The following LARP4B variants were observed in gnomAD, a reference collection of about 807,000 sequenced individuals.
LARP4B encodes the protein la-related protein 4B.
A neutral mutation model predicts 89.8 loss-of-function variants in LARP4B; 12 were observed. That is an observed-to-expected ratio of 0.13 (90% confidence interval 0.09 to 0.22). LARP4B has a LOEUF of 0.22. Among genes scored for constraint, LARP4B ranks in the 10% least tolerant of loss-of-function variants. LARP4B has a pLI of 1.00. For synonymous variants in LARP4B, 367 were observed against 363.3 expected (o/e 1.01, Z -0.12); for missense variants, 757 against 947.7 (o/e 0.80, Z 2.64).
the LARP4B span, chr10:971,227 C>T: frequency 2.0e-5 from 3 of 152,104 alleles, no homozygotes; most frequent in African/African-American, 4.8e-5. Flanking sequence ...CTTTTCCTTC[C>T]TTTTTGTGAC....
At chr10:898,097 C>A (rs1171113677) in intron 1 of LARP4B, among the ~76,000 whole-genome samples, 1 of 151,498 alleles carries the variant, frequency 6.6e-6, no homozygotes, top group Non-Finnish European at 1.5e-5. Flanking sequence ...CCACATCATT[C>A]GTCATGAGGG....
At chr10:939,258 G>A in the LARP4B span, among the ~76,000 whole-genome samples, 2 of 152,234 alleles carry the variant, frequency 1.3e-5, no homozygotes, top group African/African-American at 2.4e-5. Flanking sequence ...CAGGCTTGGC[G>A]GGAGGGGATG....
intron 1 of LARP4B, among the ~76,000 whole-genome samples, chr10:918,956 C>CT (rs1836903790): frequency 2.0e-5 from 3 of 152,040 alleles, no homozygotes; most frequent in Admixed American, 2.0e-4. Context: ...TGGCGGGCGC[C>CT]TGTAGTCCCA....
At chr10:833,235 T>C (rs954475896) in intron 8 of LARP4B, among the ~76,000 whole-genome samples, 2 of 100,038 alleles carry the variant, frequency 2.0e-5, no homozygotes, top group Non-Finnish European at 1.8e-5. Context: ...ACACTAACGA[T>C]AGCTGATGAG....
chr10:975,180 G>A, the LARP4B span, among the ~76,000 whole-genome samples: 24 of 152,236 alleles, frequency 1.6e-4, no homozygotes, highest in African/African-American at 5.8e-4. Context: ...TAGGTTCTCA[G>A]CAGTCAGAAA....
In LARP4B at chr10:902,155, G is replaced by A. The variant is rs992043454; in HGVS notation, c.-39-16395C>T. 3.9e-5 allele frequency among the ~76,000 whole-genome samples: 6 copies of A among 152,228 alleles called. No homozygotes were observed. The East Asian group carries it at 5.8e-4, about 15-fold the overall frequency. Reference sequence around the variant, plus strand: ...TAAAACATAATACAAAACAACCACCGAAACTGGAGTTTAGATCATCTCATT... The same window carrying A: ...TAAAACATAATACAAAACAACCACCAAAACTGGAGTTTAGATCATCTCATT... On this transcript the variant is annotated intron_variant, in intron 1 of 17. Transcript: ENST00000316157.
chr10:881,099 T>A lies in LARP4B; in HGVS notation c.141+3348A>T, dbSNP rs1388933532. ...CGCTGAGAATGATGTTTGCTATAGA[T>A]GAAGTTTGTGGCGCTAACAGGGAAG... is the stretch of plus-strand genomic sequence containing the variant. On this transcript the variant is annotated intron_variant, in intron 3 of 17. Coordinates refer to ENST00000316157, the MANE Select transcript of LARP4B (RefSeq NM_015155.3). 2.0e-5 allele frequency among the ~76,000 whole-genome samples: 3 copies of A among 152,178 alleles called. No individual in the cohort carries two copies. The East Asian group carries it at 5.8e-4, about 29-fold the overall frequency.
chr10:961,860 C>T, the LARP4B span, among the ~76,000 whole-genome samples: 1 of 152,182 alleles, frequency 6.6e-6, no homozygotes, highest in East Asian at 1.9e-4. Flanking sequence ...CTGGGCCCCA[C>T]CTCCAACACT....
the LARP4B span, among the ~76,000 whole-genome samples, chr10:949,031 C>T: frequency 6.6e-6 from 1 of 152,236 alleles, no homozygotes; most frequent in Non-Finnish European, 1.5e-5. Context: ...CCGAAGTTGC[C>T]AGGTCCGACA....
chr10:836,516 G>A lies in LARP4B; in HGVS notation c.647-10C>T. On this transcript the variant is annotated splice_polypyrimidine_tract_variant and intron_variant, in intron 7 of 17. Coordinates refer to ENST00000316157, the MANE Select transcript of LARP4B (RefSeq NM_015155.3). Reference sequence around the variant, plus strand: ...TGGACTAAAGGTAAAGCTACAAAGAGAAGAAAAATCAATGGTGAAACAAAA... The same window carrying A: ...TGGACTAAAGGTAAAGCTACAAAGAAAAGAAAAATCAATGGTGAAACAAAA... 1 of 1,558,750 alleles carries A rather than the reference G, an allele frequency of 6.4e-7. No homozygotes were observed. The highest frequency in any genetic ancestry group is 8.8e-7 in the Non-Finnish European group (1 of 1,134,456).
At chr10:932,156 G>A (rs1335163128), upstream of LARP4B, among the ~76,000 whole-genome samples, 1 of 151,022 alleles carries the variant, frequency 6.6e-6, no homozygotes, top group African/African-American at 2.4e-5. Flanking sequence ...CCTGTCCCCA[G>A]ACCCTGGACC....
At chr10:986,610 G>A in the LARP4B span, 10 of 152,218 alleles carry the variant, frequency 6.6e-5, no homozygotes, top group Admixed American at 6.5e-4. Context: ...GGCCCATGAT[G>A]AGTCATTATG....
intron 15 of LARP4B, among the ~76,000 whole-genome samples, chr10:816,183 C>T (rs751495206): frequency 6.6e-6 from 1 of 152,190 alleles, no homozygotes; most frequent in East Asian, 1.9e-4. Context: ...GAGCCAAGGT[C>T]GTGCCACTGC....
At chr10:896,557 G>A (rs1338326397) in intron 1 of LARP4B, among the ~76,000 whole-genome samples, 3 of 151,832 alleles carry the variant, frequency 2.0e-5, no homozygotes, top group Non-Finnish European at 4.4e-5. Context: ...TTTTTGTTTT[G>A]GAAAATACTA....
chr10:832,638 A>C (rs1410307091), intron 8 of LARP4B, among the ~76,000 whole-genome samples: 1 of 152,220 alleles, frequency 6.6e-6, no homozygotes, highest in Non-Finnish European at 1.5e-5. Flanking sequence ...AACCACAGAA[A>C]ACGTATACCA....
intron 5 of LARP4B, among the ~76,000 whole-genome samples, chr10:859,092 A>G (rs1236302379): frequency 6.6e-6 from 1 of 152,130 alleles, no homozygotes; most frequent in Non-Finnish European, 1.5e-5. Context: ...CAGACTGGCC[A>G]ACATGGTGAA....
chr10:903,821 G>T (rs1186170942), intron 1 of LARP4B, among the ~76,000 whole-genome samples: 3 of 152,172 alleles, frequency 2.0e-5, no homozygotes, highest in African/African-American at 7.2e-5. Flanking sequence ...ATGGGGAAGT[G>T]GTGAGTAAAC....
chr10:834,065 C>A (rs969545788), intron 8 of LARP4B, among the ~76,000 whole-genome samples: 2 of 152,114 alleles, frequency 1.3e-5, no homozygotes, highest in African/African-American at 4.8e-5. Flanking sequence ...TGGCTATATT[C>A]ATTCCAAATT....
At chr10:925,789 C>G (rs1361938782) in intron 1 of LARP4B, among the ~76,000 whole-genome samples, 1 of 152,212 alleles carries the variant, frequency 6.6e-6, no homozygotes, top group African/African-American at 2.4e-5. Context: ...CCGCCTCGGC[C>G]TCCCAGAGTG....
Sources: allele counts gnomAD v4.1 joint callset (sites outside exome capture counted in the v4.1 genomes callset), GRCh38; gene constraint gnomAD v4.1.1; transcripts MANE v1.5; gene names NCBI Gene and HGNC (gene_info 2026-07-23, HGNC 2026-07-21).